CNTN5: variants seen among roughly 807,000 people sequenced by gnomAD.
CNTN5 encodes the protein contactin-5.
CNTN5 carries 77 observed loss-of-function variants against 129.1 expected under a neutral mutation model. The observed-to-expected ratio is 0.60, with a 90% CI of 0.50 to 0.72. The LOEUF (loss-of-function observed/expected upper bound fraction) is 0.72. Ranked by LOEUF, CNTN5 falls within the 30% of genes least tolerant of loss-of-function variation. CNTN5 has a pLI of 0.00. For synonymous variants in CNTN5, 509 were observed against 465.6 expected (o/e 1.09, Z -1.20); for missense variants, 1,478 against 1,328.8 (o/e 1.11, Z -1.75).
rs374593681 is a variant in CNTN5, at chr11:99,408,490, G to GAA, written c.-71+83008_-71+83009dup. Among the ~76,000 whole-genome samples, 4 of 146,698 alleles carry GAA rather than the reference G, an allele frequency of 2.7e-5. No individual in the cohort carries two copies. The South Asian group carries it at 6.8e-4, about 25-fold the overall frequency. ...AGAAAGAAAGAAAGAAAGAAAGAAA[G>GAA]AAAGAAAGAAAGAAAGTTAGTTCAT... On this transcript the variant is annotated intron_variant, in intron 2 of 24. Transcript: ENST00000524871.
chr11:99,403,859 CTATT>C (rs1256920719), intron 2 of CNTN5, among the ~76,000 whole-genome samples: 1 of 152,026 alleles, frequency 6.6e-6, no homozygotes, highest in African/African-American at 2.4e-5. Context: ...TTATAAGTAT[CTATT>C]ATGTCCATTT....
At chr11:100,340,996 A>G in intron 22 of CNTN5, 97 bp from the exon 23 acceptor site, 4 of 927,010 alleles carry the variant, frequency 4.3e-6, no homozygotes, top group Non-Finnish European at 6.9e-6. Flanking sequence ...CCAGCCAACT[A>G]CTAAGCAGGA....
chr11:100,223,196 C>T (rs1368254109), intron 15 of CNTN5, among the ~76,000 whole-genome samples: 2 of 152,112 alleles, frequency 1.3e-5, no homozygotes, highest in East Asian at 1.9e-4. Context: ...AATGCATTCT[C>T]ACTATGAAGC....
chr11:99,203,904 A>G (rs1007026541), intron 1 of CNTN5, among the ~76,000 whole-genome samples: 5 of 152,108 alleles, frequency 3.3e-5, no homozygotes, highest in Admixed American at 6.6e-5. Flanking sequence ...GGCCTCATAT[A>G]ACATTTCTTA....
At chr11:99,609,868 A>G (rs1205292137) in intron 3 of CNTN5, among the ~76,000 whole-genome samples, 3 of 152,062 alleles carry the variant, frequency 2.0e-5, no homozygotes, top group Non-Finnish European at 2.9e-5. Context: ...ACTCAGTGCC[A>G]TTTTCTTTTT....
intron 3 of CNTN5, among the ~76,000 whole-genome samples, chr11:99,722,424 A>G (rs1943203515): frequency 6.6e-6 from 1 of 152,086 alleles, no homozygotes; most frequent in Admixed American, 6.6e-5. Context: ...AGTGGGAGCT[A>G]AATGATGAGA....
At chr11:99,485,598 A>T (rs1381939027) in intron 2 of CNTN5, among the ~76,000 whole-genome samples, 2 of 151,650 alleles carry the variant, frequency 1.3e-5, no homozygotes, top group Non-Finnish European at 2.9e-5. Context: ...AAATGCTCTA[A>T]AGTTTATTGA....
At chr11:99,863,015 T>C (rs1298474170) in intron 6 of CNTN5, among the ~76,000 whole-genome samples, 1 of 152,130 alleles carries the variant, frequency 6.6e-6, no homozygotes, top group Non-Finnish European at 1.5e-5. Context: ...CATCAACTTG[T>C]ATTGCTTTAT....
chr11:99,339,738 C>T (rs1006697844), intron 2 of CNTN5, among the ~76,000 whole-genome samples: 2 of 150,704 alleles, frequency 1.3e-5, no homozygotes, highest in Admixed American at 6.6e-5. Flanking sequence ...GCTGAGATTG[C>T]GCCACCGCAC....
intron 2 of CNTN5, among the ~76,000 whole-genome samples, chr11:99,441,960 A>C (rs958049298): frequency 1.3e-5 from 2 of 152,124 alleles, no homozygotes; most frequent in African/African-American, 4.8e-5. Flanking sequence ...AAGAATGAGA[A>C]GTGAATTCCA....
intron 3 of CNTN5, among the ~76,000 whole-genome samples, chr11:99,801,659 G>A (rs1177027546): frequency 6.6e-6 from 1 of 151,648 alleles, no homozygotes; most frequent in Non-Finnish European, 1.5e-5. Context: ...TGTCTCACTG[G>A]CTTATTTGAA....
At position 100,358,819 on chromosome 11, in the gene CNTN5, A is replaced by T. The variant is rs1434036188; in HGVS notation, c.*2599A>T. ...CGTGTGGAAGGCACAGTCAAATAAT[A>T]GTTCTGTGTACTGTTCTTGTAACAT... is the stretch of plus-strand genomic sequence containing the variant. On this transcript the variant is annotated 3_prime_UTR_variant, in exon 25 of 25. Transcript: ENST00000524871. The T allele has an allele frequency of 6.6e-6, 1 of 151,964 alleles. No homozygotes were observed. Among genetic ancestry groups the T allele is most frequent in the Non-Finnish European group, 1.5e-5 (1 of 67,884 alleles). The allele number at this position is 151,964 out of a possible 1,614,324, so 9.4% of individuals were successfully genotyped here.
intron 9 of CNTN5, among the ~76,000 whole-genome samples, chr11:100,008,989 T>C (rs1173234922): frequency 6.6e-6 from 1 of 152,110 alleles, no homozygotes; most frequent in Non-Finnish European, 1.5e-5. Flanking sequence ...GCAGCTATAA[T>C]GCACAGATAA....
At chr11:99,517,336 C>T (rs897509115) in intron 2 of CNTN5, among the ~76,000 whole-genome samples, 1 of 152,010 alleles carries the variant, frequency 6.6e-6, no homozygotes, top group Admixed American at 6.6e-5. Context: ...AAGAGTAGAT[C>T]TTGCAGTAGA....
chr11:100,181,342 A>T (rs1299160068), intron 13 of CNTN5, among the ~76,000 whole-genome samples: 1 of 152,044 alleles, frequency 6.6e-6, no homozygotes, highest in Non-Finnish European at 1.5e-5. Flanking sequence ...CACTAATCTA[A>T]GATTTTTTTG....
At chr11:100,125,695 T>A (rs184356316) in intron 13 of CNTN5, among the ~76,000 whole-genome samples, 2 of 152,124 alleles carry the variant, frequency 1.3e-5, no homozygotes, top group African/African-American at 4.8e-5. Context: ...ATAGCAATGC[T>A]GGGTCAAATG....
Position 99,492,115 on chromosome 11 carries a change from G to A in CNTN5, c.-70-64030G>A, listed in dbSNP as rs537948010. On this transcript the variant is annotated intron_variant, in intron 2 of 24. Transcript: ENST00000524871. Reference sequence around the variant, plus strand: ...GAGGGGAGCCATCTGTTGGGTTCACGCTATTCCTGCCAACAAAGATACTTT... The same window carrying A: ...GAGGGGAGCCATCTGTTGGGTTCACACTATTCCTGCCAACAAAGATACTTT... Among the ~76,000 whole-genome samples the A allele has an allele frequency of 4.1e-4, 62 of 152,206 alleles. 1 individual carries two copies. Among genetic ancestry groups the A allele is most frequent in the Admixed American group, 9.2e-4 (14 of 15,282 alleles).
chr11:100,027,834 ACTTCAAGGATTACTGTC>A (rs1453728797), intron 9 of CNTN5, among the ~76,000 whole-genome samples: 5 of 152,330 alleles, frequency 3.3e-5, no homozygotes, highest in Non-Finnish European at 5.9e-5. Context: ...AATTTAACAT[ACTTCAAGGATTACTGTC>A]CTTTATATGC....
chr11:99,559,236 C>T (rs531852618), intron 3 of CNTN5, among the ~76,000 whole-genome samples: 1 of 152,218 alleles, frequency 6.6e-6, no homozygotes, highest in African/African-American at 2.4e-5. Context: ...CTGTGGATCA[C>T]GAGCACATTT....
Sources: gnomAD v4.1 joint callset for allele counts (sites outside exome capture counted in the v4.1 genomes callset) on GRCh38, gnomAD v4.1.1 for gene constraint, MANE v1.5 for transcripts, NCBI Gene and HGNC (gene_info 2026-07-23, HGNC 2026-07-21) for gene names.